The following SPAG9 variants were observed in gnomAD, a reference collection of about 807,000 sequenced individuals.
The protein encoded by SPAG9 is C-Jun-amino-terminal kinase-interacting protein 4.
Under a neutral mutation model 166.5 loss-of-function variants are expected in SPAG9, and 35 were observed. The ratio of observed to expected loss-of-function variants is 0.21; its 90% confidence interval spans 0.16 to 0.28. The LOEUF is 0.28. Ranked by LOEUF, SPAG9 falls within the 10% of genes least tolerant of loss-of-function variation. The probability of loss-of-function intolerance (pLI) is 1.00; values close to 1 mark genes in which losing one functional copy is unlikely to be tolerated. For synonymous variants in SPAG9, 534 were observed against 565.5 expected, an observed-to-expected ratio of 0.94 and a Z score of 0.79; for missense variants, 1,235 against 1,603.3, an observed-to-expected ratio of 0.77 and a Z score of 3.92.
chr17:51,031,900 T>C, intron 5 of SPAG9, 178 bp from the exon 6 acceptor site: 1 of 685,874 alleles, frequency 1.5e-6, no homozygotes. Context: ...CTTAACACTC[T>C]AGTTTAAGTA....
intron 6 of SPAG9, among the ~76,000 whole-genome samples, chr17:51,025,691 G>T (rs1019421799): frequency 6.6e-6 from 1 of 152,144 alleles, no homozygotes; most frequent in Non-Finnish European, 1.5e-5. Flanking sequence ...AGGAGTTTGA[G>T]ATCAGCCTGG....
At chr17:51,010,188 A>G (rs2144058230) in intron 9 of SPAG9, among the ~76,000 whole-genome samples, 1 of 152,244 alleles carries the variant, frequency 6.6e-6, no homozygotes, top group South Asian at 2.1e-4. Flanking sequence ...AAGATGCACA[A>G]TTTTATCTAG....
At chr17:51,017,908 G>A (rs944054348) in intron 8 of SPAG9, among the ~76,000 whole-genome samples, 10 of 151,970 alleles carry the variant, frequency 6.6e-5, no homozygotes, top group Admixed American at 4.6e-4. Flanking sequence ...GCTTTTAACC[G>A]CTACAGAGTA....
chr17:51,099,897 C>T (rs1297206638), intron 1 of SPAG9, among the ~76,000 whole-genome samples: 3 of 150,762 alleles, frequency 2.0e-5, no homozygotes, highest in African/African-American at 4.9e-5. Flanking sequence ...GTCAGGACTT[C>T]GAGACCAGCC....
chr17:51,082,559 C>G (rs930305527), intron 1 of SPAG9, among the ~76,000 whole-genome samples: 1 of 151,890 alleles, frequency 6.6e-6, no homozygotes, highest in African/African-American at 2.4e-5. Context: ...TTGTTTTGTT[C>G]ACTGCTGTAT....
chr17:51,091,048 G>A (rs1437756982), intron 1 of SPAG9, among the ~76,000 whole-genome samples: 1 of 151,586 alleles, frequency 6.6e-6, no homozygotes, highest in Non-Finnish European at 1.5e-5. Flanking sequence ...CATCACTCAA[G>A]CTCAGGAGTT....
intron 1 of SPAG9, among the ~76,000 whole-genome samples, chr17:51,115,393 C>T (rs2049256342): frequency 6.7e-6 from 1 of 149,362 alleles, no homozygotes; most frequent in Non-Finnish European, 1.5e-5. Context: ...GGTCTCACTA[C>T]GTTGCCCAGG....
chr17:50,993,965 A>T (rs997870568), intron 18 of SPAG9, 30 bp from the exon 19 acceptor site: 1 of 1,588,784 alleles, frequency 6.3e-7, no homozygotes, highest in Non-Finnish European at 8.6e-7. Context: ...AAAATGTTTA[A>T]AACAATATGT....
At chr17:51,022,004 T>C (rs949853724) in intron 6 of SPAG9, among the ~76,000 whole-genome samples, 3 of 151,310 alleles carry the variant, frequency 2.0e-5, no homozygotes, top group African/African-American at 7.3e-5. Context: ...GCACCTATGA[T>C]CCCAGCTACT....
At position 50,999,923 on chromosome 17, in the gene SPAG9, T is replaced by A. The variant is rs79548303; in HGVS notation, c.1608-206A>T. ...TAATTCTACTAAGAAAAATAAAATA[T>A]CATCCCTCCCTCAAAGAGCTTAGTC... On this transcript the variant is annotated intron_variant, in intron 13 of 29. Transcript: ENST00000262013. 6.6e-3 allele frequency among the ~76,000 whole-genome samples: 999 copies of A among 152,266 alleles called. 8 individuals are homozygous for A. Among genetic ancestry groups the A allele is most frequent in the African/African-American group, 0.022 (934 of 41,534 alleles).
At chr17:51,032,719 T>C (rs2046427063) in intron 5 of SPAG9, among the ~76,000 whole-genome samples, 1 of 152,018 alleles carries the variant, frequency 6.6e-6, no homozygotes, top group African/African-American at 2.4e-5. Flanking sequence ...GTGGATCACC[T>C]GAGGTCGGGA....
intron 12 of SPAG9, among the ~76,000 whole-genome samples, chr17:51,002,970 T>C (rs2045026133): frequency 6.8e-6 from 1 of 147,482 alleles, no homozygotes; most frequent in Non-Finnish European, 1.5e-5. Flanking sequence ...TGGTCCCAGC[T>C]ACTCAGGAGG....
At chr17:51,018,651 G>C (rs1418595401) in intron 8 of SPAG9, among the ~76,000 whole-genome samples, 1 of 152,132 alleles carries the variant, frequency 6.6e-6, no homozygotes, top group Non-Finnish European at 1.5e-5. Context: ...TAAGTGCTAG[G>C]GGGAGGGGCC....
At chr17:51,009,248 G>T (rs2045358927) in intron 9 of SPAG9, 1 of 407,308 alleles carries the variant, frequency 2.5e-6, no homozygotes, top group Non-Finnish European at 4.8e-6. Context: ...AGGAAACAAA[G>T]AAATTGACAA....
chr17:50,982,800 T>C, intron 24 of SPAG9, 128 bp from the exon 25 acceptor site: 4 of 820,724 alleles, frequency 4.9e-6, no homozygotes, highest in Non-Finnish European at 7.2e-6. Context: ...GTACTAAGTA[T>C]ATCTTTTATT....
chr17:51,029,208 C>T (rs2046299370), intron 6 of SPAG9, among the ~76,000 whole-genome samples: 1 of 151,864 alleles, frequency 6.6e-6, no homozygotes, highest in Non-Finnish European at 1.5e-5. Context: ...ACACAAATGG[C>T]CAAAAAGCAT....
chr17:51,076,175 A>C (rs564216427), intron 2 of SPAG9, among the ~76,000 whole-genome samples: 2 of 152,316 alleles, frequency 1.3e-5, no homozygotes, highest in Admixed American at 1.3e-4. Context: ...TAATGCCAGC[A>C]CTTTGGGAGG....
At chr17:51,024,973 T>G (rs2046096169) in intron 6 of SPAG9, among the ~76,000 whole-genome samples, 1 of 149,926 alleles carries the variant, frequency 6.7e-6, no homozygotes, top group African/African-American at 2.5e-5. Context: ...GAGGCAAGAT[T>G]GCGCCACTGC....
chr17:50,999,491 T>C (rs1277420329), intron 14 of SPAG9, 170 bp downstream of exon 14: 4 of 1,495,018 alleles, frequency 2.7e-6, no homozygotes, highest in Non-Finnish European at 2.6e-6. Context: ...TGGCACACTA[T>C]ATATTAAAAA....
Sources: allele counts gnomAD v4.1 joint callset (sites outside exome capture counted in the v4.1 genomes callset), GRCh38; gene constraint gnomAD v4.1.1; transcripts MANE v1.5; gene names NCBI Gene and HGNC (gene_info 2026-07-23, HGNC 2026-07-21).